PPARGC1A: variants seen among roughly 807,000 people sequenced by gnomAD.
The protein encoded by PPARGC1A is peroxisome proliferator-activated receptor gamma coactivator 1-alpha.
A neutral mutation model predicts 88.7 loss-of-function variants in PPARGC1A; 25 were observed. That is an observed-to-expected ratio of 0.28 (90% CI 0.21 to 0.39). The LOEUF (loss-of-function observed/expected upper bound fraction) is 0.39, where lower values mean the gene tolerates loss of function less well. PPARGC1A is among the 10% of genes least tolerant of loss of function. PPARGC1A has a pLI of 1.00. For synonymous variants in PPARGC1A, 363 were observed against 355.6 expected (o/e 1.02, Z -0.24); for missense variants, 880 against 968.7 (o/e 0.91, Z 1.22).
the PPARGC1A span, among the ~76,000 whole-genome samples, chr4:24,053,517 TCAGA>T: frequency 1.3e-5 from 2 of 152,040 alleles, no homozygotes; most frequent in South Asian, 2.1e-4. Context: ...AAAAAATAAG[TCAGA>T]CAGAGTCCAT....
At chr4:24,314,807 C>T in the PPARGC1A span, among the ~76,000 whole-genome samples, 1 of 152,058 alleles carries the variant, frequency 6.6e-6, no homozygotes, top group African/African-American at 2.4e-5. Context: ...GTACCAAGAG[C>T]TATAATTAAC....
chr4:24,212,421 G>A, the PPARGC1A span, among the ~76,000 whole-genome samples: 2 of 152,064 alleles, frequency 1.3e-5, no homozygotes, highest in African/African-American at 2.4e-5. Context: ...GTGTGATCTG[G>A]GACAAGTTAC....
At chr4:24,204,521 G>A in the PPARGC1A span, among the ~76,000 whole-genome samples, 5 of 152,042 alleles carry the variant, frequency 3.3e-5, no homozygotes, top group African/African-American at 1.2e-4. Context: ...GGGAGGGCAG[G>A]GGAAGGGAAG....
the PPARGC1A span, among the ~76,000 whole-genome samples, chr4:24,208,772 T>G: frequency 6.6e-6 from 1 of 151,228 alleles, no homozygotes; most frequent in Non-Finnish European, 1.5e-5. Flanking sequence ...CAGGCAAAAG[T>G]GTTTTATGTT....
chr4:24,248,286 G>A, the PPARGC1A span, among the ~76,000 whole-genome samples: 1 of 151,940 alleles, frequency 6.6e-6, no homozygotes. Flanking sequence ...CACCACGCCC[G>A]GCTAATTGTT....
intron 10 of PPARGC1A, among the ~76,000 whole-genome samples, chr4:23,812,232 C>G (rs1034419154): frequency 6.6e-6 from 1 of 152,022 alleles, no homozygotes; most frequent in African/African-American, 2.4e-5. Context: ...CATGAGCCAT[C>G]GTGCCTGGCC....
chr4:24,089,535 G>T, the PPARGC1A span, among the ~76,000 whole-genome samples: 1 of 131,372 alleles, frequency 7.6e-6, no homozygotes, highest in Non-Finnish European at 1.6e-5. Context: ...TTTTGAGACG[G>T]AGTCTTGCTC....
At chr4:24,431,026 G>A in the PPARGC1A span, among the ~76,000 whole-genome samples, 1 of 149,608 alleles carries the variant, frequency 6.7e-6, no homozygotes, top group Non-Finnish European at 1.5e-5. Context: ...TCGGGAGGTT[G>A]ACGTGGGAGA....
chr4:24,115,076 C>T, the PPARGC1A span, among the ~76,000 whole-genome samples: 1 of 152,112 alleles, frequency 6.6e-6, no homozygotes, highest in Non-Finnish European at 1.5e-5. Flanking sequence ...CATACCTTCC[C>T]CTAATGAGGT....
At chr4:24,324,812 G>A in the PPARGC1A span, among the ~76,000 whole-genome samples, 11 of 151,750 alleles carry the variant, frequency 7.2e-5, no homozygotes, top group Middle Eastern at 3.2e-3. Flanking sequence ...TTTCCCTCCC[G>A]CCTGTCCCCT....
the PPARGC1A span, among the ~76,000 whole-genome samples, chr4:24,198,830 T>C: frequency 6.6e-6 from 1 of 152,194 alleles, no homozygotes; most frequent in East Asian, 1.9e-4. Flanking sequence ...CGAGAAGGGC[T>C]GGGGCACCTA....
rs746101168 is a variant in PPARGC1A at position 23,814,281 on chromosome 4, G to A, written c.1202C>T (p.Ser401Leu). 4 of 1,614,016 alleles carry A rather than the reference G, an allele frequency of 2.5e-6. No individual in the cohort carries two copies. In the Admixed American group the frequency reaches 5.0e-5, roughly 20 times the overall value. ...NSKTEILINISQELQDSRQLE... is the reference protein window; with the variant it reads ...NSKTEILINILQELQDSRQLE... ...TTGTCTAGAGTCTTGGAGCTCCTGT[G>A]ATATATTAATGAGTATTTCTGTTTT... The change falls in exon 8 of 13, where the codon TCA becomes TTA. Residue 401 changes from serine to leucine, a missense_variant. Transcript: ENST00000264867.
the PPARGC1A span, among the ~76,000 whole-genome samples, chr4:24,008,358 C>G: frequency 1.3e-5 from 2 of 152,056 alleles, no homozygotes; most frequent in African/African-American, 4.8e-5. Context: ...TTTTTTCCCC[C>G]TTGGCAGATA....
chr4:23,956,405 T>C, the PPARGC1A span, among the ~76,000 whole-genome samples: 1 of 152,106 alleles, frequency 6.6e-6, no homozygotes, highest in Admixed American at 6.6e-5. Context: ...TCTAATGATA[T>C]CTTAAGCAAT....
chr4:24,243,742 G>A, the PPARGC1A span, among the ~76,000 whole-genome samples: 47,744 of 151,922 alleles, frequency 0.31, 7,641 homozygotes, highest in East Asian at 0.46. Flanking sequence ...TTCCTCCTTA[G>A]CCTGGCCCTT....
the PPARGC1A span, among the ~76,000 whole-genome samples, chr4:24,265,459 A>G: frequency 6.6e-6 from 1 of 152,172 alleles, no homozygotes; most frequent in Non-Finnish European, 1.5e-5. Flanking sequence ...TCTTCTCTTG[A>G]AAGCCAAATC....
At chr4:24,067,700 A>C in the PPARGC1A span, among the ~76,000 whole-genome samples, 1 of 152,170 alleles carries the variant, frequency 6.6e-6, no homozygotes, top group Non-Finnish European at 1.5e-5. Flanking sequence ...AATTAAACTG[A>C]TCAAGGGGTC....
the PPARGC1A span, among the ~76,000 whole-genome samples, chr4:24,229,608 G>C: frequency 4.6e-5 from 7 of 151,526 alleles, no homozygotes; most frequent in Non-Finnish European, 7.4e-5. Context: ...CGAGGTGAGT[G>C]GATCACTTGA....
At chr4:23,951,412 A>G in the PPARGC1A span, among the ~76,000 whole-genome samples, 63 of 152,272 alleles carry the variant, frequency 4.1e-4, 2 homozygotes, top group East Asian at 0.012. Context: ...GCTAGGGAGT[A>G]TGAGAAACAA....
Sources: gnomAD v4.1 joint callset for allele counts (sites outside exome capture counted in the v4.1 genomes callset) on GRCh38, gnomAD v4.1.1 for gene constraint, MANE v1.5 for transcripts, NCBI Gene and HGNC (gene_info 2026-07-23, HGNC 2026-07-21) for gene names.